Variants in MYRIP observed in about 807,000 individuals in gnomAD.
MYRIP encodes myosin VIIA and Rab interacting protein.
In MYRIP, 49 loss-of-function variants were observed where a neutral mutation model predicts 98.0. That is an observed-to-expected ratio of 0.50 (90% confidence interval 0.40 to 0.63). The LOEUF is 0.63. Among genes scored for constraint, MYRIP ranks in the 30% least tolerant of loss-of-function variants. The pLI is 0.00. For synonymous variants in MYRIP, 404 were observed against 409.5 expected, an observed-to-expected ratio of 0.99 and a Z score of 0.16; for missense variants, 1,004 against 1,058.2, an observed-to-expected ratio of 0.95 and a Z score of 0.71.
chr3:40,010,639 G>T (rs917557664), intron 2 of MYRIP, among the ~76,000 whole-genome samples: 1 of 152,150 alleles, frequency 6.6e-6, no homozygotes, highest in South Asian at 2.1e-4. Context: ...CATTCCAGGT[G>T]CATTTAGAAT....
chr3:40,108,492 G>A (rs1264784553), intron 3 of MYRIP, among the ~76,000 whole-genome samples: 1 of 152,158 alleles, frequency 6.6e-6, no homozygotes, highest in African/African-American at 2.4e-5. Flanking sequence ...AATGGGCAGA[G>A]GAAGAGGAGT....
chr3:40,018,054 T>A (rs1946909581), intron 2 of MYRIP, among the ~76,000 whole-genome samples: 1 of 152,208 alleles, frequency 6.6e-6, no homozygotes. Context: ...CTTATGAATG[T>A]ATCAATCATA....
chr3:40,095,093 C>T (rs1412960514), intron 3 of MYRIP, among the ~76,000 whole-genome samples: 3 of 152,100 alleles, frequency 2.0e-5, no homozygotes, highest in Admixed American at 2.0e-4. Flanking sequence ...TGAGGTCAGC[C>T]CCACCCGAGA....
intron 11 of MYRIP, among the ~76,000 whole-genome samples, chr3:40,219,684 A>G (rs1575648966): frequency 6.6e-6 from 1 of 152,142 alleles, no homozygotes; most frequent in Admixed American, 6.5e-5. Flanking sequence ...TTATGGCTGC[A>G]TAGTATTCCA....
At chr3:40,252,101 A>C (rs1953394527) in intron 16 of MYRIP, 102 bp downstream of exon 16, 2 of 883,338 alleles carry the variant, frequency 2.3e-6, no homozygotes, top group Non-Finnish European at 3.6e-6. Context: ...ACCCCCAAAA[A>C]GTATCCTTCC....
intron 2 of MYRIP, among the ~76,000 whole-genome samples, chr3:39,985,101 G>A (rs1946000018): frequency 6.6e-6 from 1 of 151,850 alleles, no homozygotes; most frequent in Non-Finnish European, 1.5e-5. Flanking sequence ...ATTTGTTTGA[G>A]TTCATTGTAG....
At chr3:40,072,974 C>T (rs1288977230) in intron 3 of MYRIP, among the ~76,000 whole-genome samples, 2 of 152,108 alleles carry the variant, frequency 1.3e-5, no homozygotes, top group African/African-American at 4.8e-5. Flanking sequence ...TGTGTTGCAT[C>T]ATTTTTGAAA....
chr3:39,934,418 A>G (rs1375756551), intron 2 of MYRIP, among the ~76,000 whole-genome samples: 1 of 152,140 alleles, frequency 6.6e-6, no homozygotes, highest in Admixed American at 6.6e-5. Context: ...AACAAATGCC[A>G]TCCCCAGGTG....
At chr3:39,833,828 C>T (rs1435934848) in intron 1 of MYRIP, among the ~76,000 whole-genome samples, 1 of 152,142 alleles carries the variant, frequency 6.6e-6, no homozygotes, top group Non-Finnish European at 1.5e-5. Flanking sequence ...CAAGACCAGC[C>T]TGGCCAACAT....
At chr3:39,828,078 GGA>G (rs760148739) in intron 1 of MYRIP, among the ~76,000 whole-genome samples, 4 of 151,742 alleles carry the variant, frequency 2.6e-5, no homozygotes, top group Non-Finnish European at 5.9e-5. Flanking sequence ...CTGTTTGAGT[GGA>G]ATCTATTTGG....
chr3:39,840,180 G>T (rs1374968123), intron 1 of MYRIP, among the ~76,000 whole-genome samples: 2 of 152,110 alleles, frequency 1.3e-5, no homozygotes, highest in East Asian at 3.8e-4. Context: ...ATATATTTAG[G>T]ATAGTTAGCT....
chr3:39,858,023 A>G (rs981497842), intron 1 of MYRIP, among the ~76,000 whole-genome samples: 1 of 152,206 alleles, frequency 6.6e-6, no homozygotes, highest in Non-Finnish European at 1.5e-5. Context: ...CAAAATAGCA[A>G]TAGTAAGTCC....
At chr3:40,253,450 G>C (rs1230579464) in intron 16 of MYRIP, among the ~76,000 whole-genome samples, 2 of 152,150 alleles carry the variant, frequency 1.3e-5, no homozygotes, top group African/African-American at 2.4e-5. Flanking sequence ...AATAAGACGA[G>C]AAAACCCTAT....
intron 11 of MYRIP, among the ~76,000 whole-genome samples, chr3:40,232,217 G>A (rs1360067944): frequency 6.6e-6 from 1 of 152,186 alleles, no homozygotes; most frequent in Non-Finnish European, 1.5e-5. Flanking sequence ...CAGTCAAGCA[G>A]CTATTGTGGA....
At chr3:40,058,490 A>C (rs1023063131) in intron 3 of MYRIP, among the ~76,000 whole-genome samples, 1 of 152,204 alleles carries the variant, frequency 6.6e-6, no homozygotes, top group Admixed American at 6.5e-5. Context: ...TTATATAGCT[A>C]ACATTTTTTA....
intron 2 of MYRIP, among the ~76,000 whole-genome samples, chr3:39,962,280 A>T (rs1340537121): frequency 6.6e-6 from 1 of 152,110 alleles, no homozygotes; most frequent in African/African-American, 2.4e-5. Context: ...AGTAAGTGTC[A>T]GTGGTTATTG....
At chr3:40,034,844 G>C (rs980528514) in intron 2 of MYRIP, among the ~76,000 whole-genome samples, 107 of 151,800 alleles carry the variant, frequency 7.0e-4, no homozygotes, top group African/African-American at 2.0e-3. Flanking sequence ...CAATGATAGA[G>C]TGGATTAAGA....
In MYRIP at chr3:40,162,733, G is replaced by A; in HGVS notation, c.473G>A (p.Gly158Glu). ...TCTCCCACCCCTACCCTGCCAGGAG[G>A]AAGCCTTTTTGAGTCAAACCTGGAG... ...ESGACFDILG[G>E]SLFESNLENE... Residue 158 changes from glycine (G) to glutamate (E), a missense_variant, in exon 5 of 17, where the codon GGA becomes GAA. Coordinates refer to ENST00000302541, the MANE Select transcript of MYRIP (RefSeq NM_015460.4). 1 of 1,613,984 alleles carries A rather than the reference G, an allele frequency of 6.2e-7. No homozygotes were observed. The highest frequency in any genetic ancestry group is 8.5e-7 in the Non-Finnish European group (1 of 1,179,894).
chr3:39,844,417 G>A (rs1941899658), intron 1 of MYRIP, among the ~76,000 whole-genome samples: 1 of 152,174 alleles, frequency 6.6e-6, no homozygotes, highest in African/African-American at 2.4e-5. Flanking sequence ...TCAGACGTGA[G>A]GTTTCCCCTG....
Sources: gnomAD v4.1 joint callset for allele counts (sites outside exome capture counted in the v4.1 genomes callset) on GRCh38, gnomAD v4.1.1 for gene constraint, MANE v1.5 for transcripts, NCBI Gene and HGNC (gene_info 2026-07-23, HGNC 2026-07-21) for gene names.